NPY2R: variants seen among roughly 807,000 people sequenced by gnomAD.
NPY2R encodes neuropeptide Y receptor type 2.
In NPY2R, 17 loss-of-function variants were observed where a neutral mutation model predicts 22.3. That is an observed-to-expected ratio of 0.76 (90% confidence interval 0.52 to 1.14). The LOEUF (loss-of-function observed/expected upper bound fraction) is 1.14. NPY2R is among the 50% of genes most tolerant of loss of function. The pLI, the probability that NPY2R is intolerant of heterozygous loss-of-function variation, is 0.00. For missense variants in NPY2R, 424 were observed against 467.9 expected, an observed-to-expected ratio of 0.91 and a Z score of 0.87; for synonymous variants, 209 against 183.4, an observed-to-expected ratio of 1.14 and a Z score of -1.13.
the NPY2R span, among the ~76,000 whole-genome samples, chr4:155,174,923 A>C: frequency 6.6e-6 from 1 of 152,134 alleles, no homozygotes; most frequent in Non-Finnish European, 1.5e-5. Flanking sequence ...ACAAGGATGT[A>C]AAATCGCATT....
intron 1 of NPY2R, 49 bp from the exon 2 acceptor site, chr4:155,213,843 A>G: frequency 9.7e-7 from 1 of 1,026,896 alleles, no homozygotes; most frequent in South Asian, 1.3e-5. Context: ...TCCTCGTTCC[A>G]TTGGTTTTTG....
chr4:155,205,027 T>A (rs1312144796), upstream of NPY2R, among the ~76,000 whole-genome samples: 1 of 152,150 alleles, frequency 6.6e-6, no homozygotes, highest in Non-Finnish European at 1.5e-5. Flanking sequence ...TTTCCATTTG[T>A]GTTTGGGTGA....
the NPY2R span, among the ~76,000 whole-genome samples, chr4:155,191,796 T>C: frequency 6.6e-6 from 1 of 151,912 alleles, no homozygotes; most frequent in African/African-American, 2.4e-5. Flanking sequence ...TTTTCACATG[T>C]CAACACTTTA....
upstream of NPY2R, chr4:155,208,283 G>A (rs1729323579): frequency 6.6e-6 from 1 of 152,324 alleles, no homozygotes; most frequent in Admixed American, 6.5e-5. This position sits in a 1 kb window ranked among gnomAD's most constrained non-coding sequence, Gnocchi z 5.6. Context: ...GCCAGCCTGA[G>A]GTCTCCTTCG....
Position 155,213,923 on chromosome 4 carries a change from G to C in NPY2R, c.-17G>C. ...GACTCTTGTGCTGGTTGCAGGCCAA[G>C]TGGACCTGTACTGAAAATGGGTCCA... On this transcript the variant is annotated 5_prime_UTR_variant, in exon 2 of 2. Coordinates refer to ENST00000329476, the MANE Select transcript of NPY2R (RefSeq NM_000910.4). The C allele has an allele frequency of 6.2e-7, 1 of 1,609,768 alleles. No homozygotes were observed. The highest frequency in any genetic ancestry group is 8.5e-7 in the Non-Finnish European group (1 of 1,176,478).
chr4:155,212,746 A>G (rs1729432543), intron 1 of NPY2R, among the ~76,000 whole-genome samples: 1 of 152,254 alleles, frequency 6.6e-6, no homozygotes, highest in Non-Finnish European at 1.5e-5. Context: ...AAATAGGTGG[A>G]AGAGATATGT....
chr4:155,188,964 G>A, the NPY2R span, among the ~76,000 whole-genome samples: 1 of 152,076 alleles, frequency 6.6e-6, no homozygotes, highest in Non-Finnish European at 1.5e-5. Context: ...ACTAATAAGA[G>A]AACTTTTAAA....
At chr4:155,210,000 T>C (rs1179067467) in intron 1 of NPY2R, among the ~76,000 whole-genome samples, 1 of 152,332 alleles carries the variant, frequency 6.6e-6, no homozygotes, top group Non-Finnish European at 1.5e-5. Flanking sequence ...AATGTTTCTA[T>C]GACAAAGTTT....
chr4:155,199,350 G>A, the NPY2R span, among the ~76,000 whole-genome samples: 6 of 151,928 alleles, frequency 3.9e-5, no homozygotes, highest in African/African-American at 7.3e-5. Flanking sequence ...ACAAACTACT[G>A]CTCAAGGAAA....
At chr4:155,188,759 A>T in the NPY2R span, among the ~76,000 whole-genome samples, 3 of 152,118 alleles carry the variant, frequency 2.0e-5, no homozygotes, top group East Asian at 3.9e-4. Context: ...CAGCCATCTG[A>T]TCTTTGAAGC....
intron 1 of NPY2R, among the ~76,000 whole-genome samples, chr4:155,211,101 A>G (rs1157485335): frequency 1.3e-5 from 2 of 152,146 alleles, no homozygotes; most frequent in Non-Finnish European, 2.9e-5. Flanking sequence ...TCAAAATTAT[A>G]CTTTCCATTT....
At chr4:155,209,688 C>G (rs1729361889) in intron 1 of NPY2R, among the ~76,000 whole-genome samples, 1 of 152,126 alleles carries the variant, frequency 6.6e-6, no homozygotes. Flanking sequence ...CTTCTTCCCC[C>G]TCCCCTGCCC....
the NPY2R span, among the ~76,000 whole-genome samples, chr4:155,202,221 A>G: frequency 6.6e-6 from 1 of 152,176 alleles, no homozygotes; most frequent in African/African-American, 2.4e-5. Context: ...AGGTTTACAA[A>G]GGGTTGGGGT....
intron 1 of NPY2R, among the ~76,000 whole-genome samples, 176 bp from the exon 2 acceptor site, chr4:155,213,716 G>T (rs1279525203): frequency 6.6e-6 from 1 of 152,124 alleles, no homozygotes; most frequent in Non-Finnish European, 1.5e-5. Flanking sequence ...TTATTAAAGG[G>T]TCTATTTCAT....
At chr4:155,190,070 C>T in the NPY2R span, among the ~76,000 whole-genome samples, 3 of 151,990 alleles carry the variant, frequency 2.0e-5, no homozygotes, top group Non-Finnish European at 4.4e-5. Context: ...AGAGAAAATG[C>T]AGCTCAGGCC....
Position 155,215,226 on chromosome 4 carries a change from G to C in NPY2R, c.*141G>C, listed in dbSNP as rs1439506787. The C allele has an allele frequency of 1.5e-5, 13 of 849,290 alleles. No individual in the cohort carries two copies. The highest frequency in any genetic ancestry group is 1.1e-4 in the East Asian group (4 of 37,800). The allele number at this position is 849,290 out of a possible 1,614,324, so 52.6% of individuals were successfully genotyped here. A position where few individuals can be genotyped will look rare whatever the true frequency, so the allele number is the denominator to read the frequency against. On this transcript the variant is annotated 3_prime_UTR_variant, in exon 2 of 2. Coordinates refer to ENST00000329476, the MANE Select transcript of NPY2R (RefSeq NM_000910.4). Reference sequence around the variant, plus strand: ...GGAAGCATCTGCTGTTTAATTCCTGGAAAACTGGCTGGGCAGAGCCTGTGT... The same window carrying C: ...GGAAGCATCTGCTGTTTAATTCCTGCAAAACTGGCTGGGCAGAGCCTGTGT...
chr4:155,190,773 G>A, the NPY2R span, among the ~76,000 whole-genome samples: 1 of 151,808 alleles, frequency 6.6e-6, no homozygotes, highest in Admixed American at 6.6e-5. Flanking sequence ...ATGAGGTTAT[G>A]TCTATATTCG....
At chr4:155,182,678 A>C in the NPY2R span, among the ~76,000 whole-genome samples, 1 of 152,148 alleles carries the variant, frequency 6.6e-6, no homozygotes, top group Non-Finnish European at 1.5e-5. Flanking sequence ...ATTTTGACCA[A>C]GAATTATTAT....
chr4:155,183,167 T>C, the NPY2R span, among the ~76,000 whole-genome samples: 1 of 152,058 alleles, frequency 6.6e-6, no homozygotes, highest in Non-Finnish European at 1.5e-5. Flanking sequence ...ATCAAGTAAA[T>C]GTGTTAAAAG....
Sources: gnomAD v4.1 joint callset for allele counts (sites outside exome capture counted in the v4.1 genomes callset) on GRCh38, gnomAD v4.1.1 for gene constraint, Gnocchi (gnomAD v3.1) non-coding constraint, MANE v1.5 for transcripts, NCBI Gene and HGNC (gene_info 2026-07-23, HGNC 2026-07-21) for gene names.